The following NCALD variants were observed in gnomAD, a reference collection of about 807,000 sequenced individuals.
The protein encoded by NCALD is neurocalcin-delta.
A neutral mutation model predicts 18.6 loss-of-function variants in NCALD; 10 were observed. The observed-to-expected ratio is 0.54, with a 90% CI of 0.33 to 0.91. The LOEUF is 0.91. Among genes scored for constraint, NCALD ranks in the 40% least tolerant of loss-of-function variants. The pLI is 0.03. For synonymous variants in NCALD, 88 were observed against 87.4 expected (o/e 1.01, Z -0.04); for missense variants, 184 against 247.6 (o/e 0.74, Z 1.72).
At chr8:101,695,450 C>A (rs1814946163) in intron 2 of NCALD, among the ~76,000 whole-genome samples, 1 of 152,136 alleles carries the variant, frequency 6.6e-6, no homozygotes, top group Non-Finnish European at 1.5e-5. Flanking sequence ...AGCTCAGATG[C>A]TCCACAAAGG....
intron 3 of NCALD, among the ~76,000 whole-genome samples, chr8:101,905,050 T>C (rs72679041): frequency 9.2e-5 from 14 of 152,376 alleles, no homozygotes; most frequent in African/African-American, 3.4e-4. Context: ...TTATATTGCA[T>C]GGAACATTCT....
At chr8:102,123,179 A>C (rs941739228) in intron 1 of NCALD, among the ~76,000 whole-genome samples, 1 of 152,250 alleles carries the variant, frequency 6.6e-6, no homozygotes, top group African/African-American at 2.4e-5. Flanking sequence ...TGTTATTTTC[A>C]AATCAGCCAG....
intron 1 of NCALD, among the ~76,000 whole-genome samples, chr8:101,784,968 C>CA (rs1812164955): frequency 6.6e-6 from 1 of 152,074 alleles, no homozygotes; most frequent in Non-Finnish European, 1.5e-5. Flanking sequence ...AACATTACAA[C>CA]AAAACGATGT....
intron 2 of NCALD, among the ~76,000 whole-genome samples, chr8:102,016,395 C>G (rs1196735440): frequency 6.6e-6 from 1 of 152,244 alleles, no homozygotes; most frequent in Non-Finnish European, 1.5e-5. Flanking sequence ...ACCACTACCA[C>G]AGCTCTGCCT....
At chr8:101,842,330 G>A (rs1402482416) in intron 4 of NCALD, among the ~76,000 whole-genome samples, 1 of 128,634 alleles carries the variant, frequency 7.8e-6, no homozygotes, top group Non-Finnish European at 1.5e-5. Context: ...AAGGAGAGAA[G>A]GAAAATAAAA....
chr8:101,794,365 C>T (rs142862722), upstream of NCALD, among the ~76,000 whole-genome samples: 1,092 of 152,158 alleles, frequency 7.2e-3, 13 homozygotes, highest in African/African-American at 0.024. Flanking sequence ...GAAATGGTTC[C>T]TTTTTCTTCC....
chr8:101,776,828 C>A (rs889721355), intron 1 of NCALD, among the ~76,000 whole-genome samples: 1 of 152,156 alleles, frequency 6.6e-6, no homozygotes, highest in African/African-American at 2.4e-5. Flanking sequence ...AGAGCATTTA[C>A]TGACACCTAT....
At chr8:101,897,779 G>T (rs482023) in intron 3 of NCALD, among the ~76,000 whole-genome samples, 40,710 of 152,036 alleles carry the variant, frequency 0.27, 5,818 homozygotes, top group East Asian at 0.36. Flanking sequence ...TTAACCTCCA[G>T]CATTGCATGG....
At chr8:102,107,219 T>TATATATATATATATAC (rs1563623250) in intron 1 of NCALD, among the ~76,000 whole-genome samples, 25 of 127,326 alleles carry the variant, frequency 2.0e-4, no homozygotes, top group African/African-American at 6.3e-4. Flanking sequence ...TATATATATA[T>TATATATATATATATAC]ATATATATAT....
upstream of NCALD, among the ~76,000 whole-genome samples, chr8:101,793,795 T>C (rs1812535663): frequency 6.6e-6 from 1 of 152,212 alleles, no homozygotes; most frequent in Admixed American, 6.5e-5. Context: ...TTTTCACTCT[T>C]TGTAAAAATG....
At chr8:101,844,598 T>C (rs1346379185) in intron 4 of NCALD, among the ~76,000 whole-genome samples, 1 of 152,094 alleles carries the variant, frequency 6.6e-6, no homozygotes, top group Non-Finnish European at 1.5e-5. Flanking sequence ...TGGCCTCAAG[T>C]GATCCTCTCA....
intron 1 of NCALD, among the ~76,000 whole-genome samples, chr8:101,786,886 G>C (rs1489055219): frequency 6.6e-6 from 1 of 152,092 alleles, no homozygotes; most frequent in African/African-American, 2.4e-5. Flanking sequence ...ATTTTAAAGG[G>C]ATGCCGTGTC....
At chr8:102,102,843 C>T (rs1423657743) in intron 1 of NCALD, among the ~76,000 whole-genome samples, 2 of 152,134 alleles carry the variant, frequency 1.3e-5, no homozygotes, top group Admixed American at 1.3e-4. Context: ...CCTCCCAATT[C>T]TTGTGCCCCT....
upstream of NCALD, among the ~76,000 whole-genome samples, chr8:101,795,762 A>G (rs915638457): frequency 2.6e-5 from 4 of 152,238 alleles, no homozygotes; most frequent in Admixed American, 2.6e-4. Context: ...TGGGGCTTTT[A>G]GCATTCTCAG....
intron 1 of NCALD, among the ~76,000 whole-genome samples, chr8:102,081,545 TAAAAAAAAA>T (rs770307937): frequency 2.8e-4 from 19 of 68,704 alleles, no homozygotes; most frequent in African/African-American, 5.6e-4. Flanking sequence ...CAAATAATGG[TAAAAAAAAA>T]AAAAAAAAAA....
chr8:102,058,806 T>C (rs917001695), intron 1 of NCALD, among the ~76,000 whole-genome samples: 1 of 152,206 alleles, frequency 6.6e-6, no homozygotes, highest in African/African-American at 2.4e-5. Context: ...TAAATGACTT[T>C]GAGATGGGTA....
chr8:102,115,193 G>C (rs1183586658), intron 1 of NCALD, among the ~76,000 whole-genome samples: 1 of 152,350 alleles, frequency 6.6e-6, no homozygotes, highest in Non-Finnish European at 1.5e-5. Flanking sequence ...ACTAAATTCT[G>C]TAAGTATCAC....
intron 3 of NCALD, among the ~76,000 whole-genome samples, chr8:101,900,896 AGTT>A (rs1396820639): frequency 1.3e-5 from 2 of 151,960 alleles, no homozygotes; most frequent in Non-Finnish European, 2.9e-5. Context: ...TTTTCTGTCT[AGTT>A]GTTCTATCAG....
chr8:101,912,784 C>T (rs771578486), intron 3 of NCALD, among the ~76,000 whole-genome samples: 7 of 152,230 alleles, frequency 4.6e-5, no homozygotes, highest in African/African-American at 1.2e-4. Flanking sequence ...AGTGCAGGCA[C>T]GACCTGTGAC....
Sources: gnomAD v4.1 joint callset for allele counts (sites outside exome capture counted in the v4.1 genomes callset) on GRCh38, gnomAD v4.1.1 for gene constraint, MANE v1.5 for transcripts, NCBI Gene and HGNC (gene_info 2026-07-23, HGNC 2026-07-21) for gene names.